The following ACVR1C variants were observed in gnomAD, a reference collection of about 807,000 sequenced individuals.
ACVR1C encodes the protein activin A receptor type 1C, also known as activin receptor type-1C.
ACVR1C carries 23 observed loss-of-function variants against 57.9 expected under a neutral mutation model. That is an observed-to-expected ratio of 0.40 (90% CI 0.29 to 0.56). The LOEUF is 0.56. ACVR1C is among the 20% of genes least tolerant of loss of function. The pLI is 0.50. For synonymous variants in ACVR1C, 214 were observed against 215.3 expected (o/e 0.99, Z 0.05); for missense variants, 480 against 607.9 (o/e 0.79, Z 2.21).
At chr2:157,547,086 C>A (rs1417295748) in intron 4 of ACVR1C, among the ~76,000 whole-genome samples, 2 of 138,220 alleles carry the variant, frequency 1.4e-5, no homozygotes, top group African/African-American at 2.7e-5. Flanking sequence ...TTTGTTCTTG[C>A]GATAGTTTAC....
chr2:157,553,792 G>A (rs1166933620), intron 3 of ACVR1C, among the ~76,000 whole-genome samples: 1 of 152,132 alleles, frequency 6.6e-6, no homozygotes, highest in African/African-American at 2.4e-5. Flanking sequence ...TCTGTGCCTA[G>A]AATGTTGTCA....
chr2:157,540,323 G>A (rs1200094415), intron 7 of ACVR1C, among the ~76,000 whole-genome samples: 1 of 152,002 alleles, frequency 6.6e-6, no homozygotes, highest in African/African-American at 2.4e-5. Context: ...CATATTTACA[G>A]GGCTTCCCCC....
At position 157,527,535 on chromosome 2, in the gene ACVR1C, C is replaced by CT. The variant is rs1410768030; in HGVS notation, c.*6382dup. The stretch of plus-strand genomic sequence containing the variant: ...TACTTTGAAAGTCAATCCAAAATTC[C>CT]TTTTTTGAGATCTGAATCTAATTTT... On this transcript the variant is annotated 3_prime_UTR_variant, in exon 9 of 9. Coordinates refer to ENST00000243349, the MANE Select transcript of ACVR1C (RefSeq NM_145259.3). 1 of 152,100 alleles carries CT rather than the reference C, an allele frequency of 6.6e-6. No individual in the cohort carries two copies. The highest frequency in any genetic ancestry group is 1.5e-5 in the Non-Finnish European group (1 of 68,002). 9.4% of individuals were successfully genotyped at this position (152,100 alleles called of 1,614,324 possible).
At chr2:157,604,305 G>A (rs1214703675) in intron 1 of ACVR1C, among the ~76,000 whole-genome samples, 1 of 151,984 alleles carries the variant, frequency 6.6e-6, no homozygotes, top group East Asian at 1.9e-4. Flanking sequence ...CTGCTGGCAA[G>A]CAGTGATATT....
Position 157,628,742 on chromosome 2 carries a change from G to C in ACVR1C, c.-98C>G. On this transcript the variant is annotated 5_prime_UTR_variant, in exon 1 of 9. Coordinates refer to ENST00000243349, the MANE Select transcript of ACVR1C (RefSeq NM_145259.3). ...TTTGAAGTTCCCGGGCCGCGGGAGG[G>C]GAGCGCGGCACCGACACCCTTTTGA... 5 of 1,108,540 alleles carry C rather than the reference G, an allele frequency of 4.5e-6. No homozygotes were observed. Among genetic ancestry groups the C allele is most frequent in the Non-Finnish European group, 6.1e-6 (5 of 816,420 alleles). 68.7% of individuals were successfully genotyped at this position (1,108,540 alleles called of 1,614,324 possible).
In ACVR1C at chr2:157,545,631, T is replaced by C. The variant is rs140009557; in HGVS notation, c.776-1019A>G. Among the ~76,000 whole-genome samples the C allele has an allele frequency of 1.4e-3, 210 of 152,102 alleles. 1 individual carries two copies. The East Asian group carries it at 0.033, about 24-fold the overall frequency. On this transcript the variant is annotated intron_variant, in intron 4 of 8. Transcript: ENST00000243349. The stretch of plus-strand genomic sequence containing the variant: ...TGCAAAAGGTAAAGGAATTAAAAAA[T>C]GAAAGTGAAGTTAGAGATCATTTGG...
Position 157,544,564 on chromosome 2 carries a change from T to A in ACVR1C, c.824A>T (p.Gln275Leu). Residue 275 changes from glutamine to leucine, a missense_variant, in exon 5 of 9, where the codon CAG becomes CTG. Transcript: ENST00000243349. ...QLWLVSEYHE[Q>L]GSLYDYLNRN... ...ATTCAAATAGTCATATAAGGAGCCC[T>A]GTTCATGATATTCAGATACCAGCCA... 1 of 1,613,714 alleles carries A rather than the reference T, an allele frequency of 6.2e-7. No individual in the cohort carries two copies. The highest frequency in any genetic ancestry group is 2.2e-5 in the East Asian group (1 of 44,872).
In ACVR1C at chr2:157,591,796, TA is replaced by T. The variant is rs140375428; in HGVS notation, c.74-4380del. 6.4e-3 allele frequency among the ~76,000 whole-genome samples: 981 copies of T among 152,160 alleles called. 12 individuals carry two copies. The highest frequency in any genetic ancestry group is 0.022 in the African/African-American group (907 of 41,542). Reference sequence around the variant, plus strand: ...TTTCACATGCATTCGTCATCTCATATAATCCCACTGCAACTGTGGGAGTTAG... The same window carrying T: ...TTTCACATGCATTCGTCATCTCATATATCCCACTGCAACTGTGGGAGTTAG... On this transcript the variant is annotated intron_variant, in intron 1 of 8. Coordinates refer to ENST00000243349, the MANE Select transcript of ACVR1C (RefSeq NM_145259.3).
At chr2:157,545,950 T>C (rs1687746205) in intron 4 of ACVR1C, among the ~76,000 whole-genome samples, 1 of 152,068 alleles carries the variant, frequency 6.6e-6, no homozygotes, top group African/African-American at 2.4e-5. Context: ...AATTTTTTTA[T>C]TTTTTATTTT....
At chr2:157,598,285 A>T (rs1163012620) in intron 1 of ACVR1C, among the ~76,000 whole-genome samples, 3 of 151,832 alleles carry the variant, frequency 2.0e-5, no homozygotes, top group South Asian at 4.1e-4. Context: ...TACTGTATAC[A>T]TATCAAAACA....
chr2:157,539,005 T>C (rs1202665067), intron 7 of ACVR1C, among the ~76,000 whole-genome samples: 2 of 148,994 alleles, frequency 1.3e-5, no homozygotes, highest in African/African-American at 4.9e-5. Context: ...ATAACATTTC[T>C]ATAATTGTAT....
At chr2:157,546,270 C>G (rs1373103458) in intron 4 of ACVR1C, among the ~76,000 whole-genome samples, 1 of 152,184 alleles carries the variant, frequency 6.6e-6, no homozygotes, top group Non-Finnish European at 1.5e-5. Context: ...CCTCAGTGAT[C>G]TGGATATAGT....
At chr2:157,626,370 C>T (rs994374857) in intron 1 of ACVR1C, among the ~76,000 whole-genome samples, 2 of 152,182 alleles carry the variant, frequency 1.3e-5, no homozygotes, top group African/African-American at 4.8e-5. Context: ...ATGGACACCC[C>T]TAAGGTGACA....
At chr2:157,573,543 T>G (rs1277111736) in intron 2 of ACVR1C, among the ~76,000 whole-genome samples, 4 of 145,894 alleles carry the variant, frequency 2.7e-5, no homozygotes, top group Non-Finnish European at 6.1e-5. Context: ...ATTTGAAGGG[T>G]TTTTTTTTTT....
At chr2:157,581,023 A>G (rs1688776988) in intron 2 of ACVR1C, among the ~76,000 whole-genome samples, 1 of 152,216 alleles carries the variant, frequency 6.6e-6, no homozygotes, top group Non-Finnish European at 1.5e-5. Flanking sequence ...GCAGGCTTAG[A>G]GTCAGAATTC....
rs968578068 is a variant in ACVR1C at position 157,628,712 on chromosome 2, C to T, written c.-68G>A. 2.9e-6 allele frequency: 4 copies of T among 1,377,882 alleles called. No homozygotes were observed. Among genetic ancestry groups the T allele is most frequent in the Non-Finnish European group, 3.8e-6 (4 of 1,049,004 alleles). 85.4% of individuals were successfully genotyped at this position (1,377,882 alleles called of 1,614,324 possible). The stretch of plus-strand genomic sequence containing the variant: ...GAGCGAGGCAGCCGGGGCAGCACGG[C>T]CCGCTTTGAAGTTCCCGGGCCGCGG... On this transcript the variant is annotated 5_prime_UTR_variant, in exon 1 of 9. Coordinates refer to ENST00000243349, the MANE Select transcript of ACVR1C (RefSeq NM_145259.3).
rs374013016 is a variant in ACVR1C at position 157,556,166 on chromosome 2, C to T, written c.471G>A (p.Glu157=). Residue 157 remains glutamate, a synonymous_variant, in exon 3 of 9, where the codon GAG becomes GAA. Coordinates refer to ENST00000243349, the MANE Select transcript of ACVR1C (RefSeq NM_145259.3). ...TTTTTCCAGCATTTACCAGATTGCA[C>T]TCAGAGAGTGGTTCCTCCACATTTG... ...KRPNVEEPLS[E]CNLVNAGKTL... is the part of the protein sequence containing the mutation. 2.9e-5 allele frequency: 46 copies of T among 1,613,928 alleles called. No individual in the cohort carries two copies. Among genetic ancestry groups the T allele is most frequent in the African/African-American group, 4.0e-5 (3 of 74,900 alleles).
chr2:157,534,537 T>TAC (rs1687433111), intron 8 of ACVR1C, among the ~76,000 whole-genome samples: 1 of 152,090 alleles, frequency 6.6e-6, no homozygotes, highest in Non-Finnish European at 1.5e-5. Context: ...TGGTGATGAG[T>TAC]ACACAAGTGT....
rs956976406 is a variant in ACVR1C, at chr2:157,628,695, C to T, written c.-51G>A. ...TGCGAGGCCCCAGAGCAGAGCGAGGCAGCCGGGGCAGCACGGCCCGCTTTG... is the reference window on the plus strand; with the variant it reads ...TGCGAGGCCCCAGAGCAGAGCGAGGTAGCCGGGGCAGCACGGCCCGCTTTG... On this transcript the variant is annotated 5_prime_UTR_variant, in exon 1 of 9. Coordinates refer to ENST00000243349, the MANE Select transcript of ACVR1C (RefSeq NM_145259.3). 2 of 1,451,358 alleles carry T rather than the reference C, an allele frequency of 1.4e-6. No homozygotes were observed. The highest frequency in any genetic ancestry group is 2.6e-5 in the East Asian group (1 of 38,200). 89.9% of individuals were successfully genotyped at this position (1,451,358 alleles called of 1,614,324 possible).
Sources: gnomAD v4.1 joint callset for allele counts (sites outside exome capture counted in the v4.1 genomes callset) on GRCh38, gnomAD v4.1.1 for gene constraint, MANE v1.5 for transcripts, NCBI Gene and HGNC (gene_info 2026-07-23, HGNC 2026-07-21) for gene names.